TTK: variants seen among roughly 807,000 people sequenced by gnomAD.
The protein encoded by TTK is dual specificity protein kinase TTK.
In TTK, 59 loss-of-function variants were observed where a neutral mutation model predicts 117.3. That is an observed-to-expected ratio of 0.50 (90% CI 0.41 to 0.62). The LOEUF (loss-of-function observed/expected upper bound fraction) is 0.62, where lower values mean the gene tolerates loss of function less well. Among genes scored for constraint, TTK ranks in the 20% least tolerant of loss-of-function variants. The probability of loss-of-function intolerance (pLI) is 0.00; values close to 1 mark genes in which losing one functional copy is unlikely to be tolerated. For missense variants in TTK, 921 were observed against 989.4 expected (o/e 0.93, Z 0.93); for synonymous variants, 302 against 325.0 (o/e 0.93, Z 0.76).
chr6:80,035,844 G>T (rs1194216361), intron 16 of TTK, among the ~76,000 whole-genome samples: 1 of 152,068 alleles, frequency 6.6e-6, no homozygotes, highest in African/African-American at 2.4e-5. Flanking sequence ...CCTACCTTCT[G>T]GGTTGGTTTT....
In TTK at chr6:80,011,680, A is replaced by G. The variant is rs745931894; in HGVS notation, c.729-49A>G. 8.8e-6 allele frequency: 14 copies of G among 1,591,974 alleles called. No individual in the cohort carries two copies. In the Admixed American group the frequency reaches 1.2e-4, roughly 13 times the overall value. ...ATGTTTAGCAGTAGAGTAGAAATAC[A>G]TATTAATATTGTTCTTTGAAAAATT... is the stretch of plus-strand genomic sequence containing the variant. On this transcript the variant is annotated intron_variant, in intron 6 of 21. Transcript: ENST00000369798.
Position 80,026,565 on chromosome 6 carries a change from A to G in TTK, c.1394+51A>G, listed in dbSNP as rs1296915829. 3 of 1,605,958 alleles carry G rather than the reference A, an allele frequency of 1.9e-6. No homozygotes were observed. In the African/African-American group the frequency reaches 4.0e-5, roughly 22 times the overall value. Reference sequence around the variant, plus strand: ...TTGGCAGGGTGGTATGATAGAATTAACATGGGCTTCTGGGCCAAATAAATC... The same window carrying G: ...TTGGCAGGGTGGTATGATAGAATTAGCATGGGCTTCTGGGCCAAATAAATC... On this transcript the variant is annotated intron_variant, in intron 12 of 21. Coordinates refer to ENST00000369798, the MANE Select transcript of TTK (RefSeq NM_003318.5).
chr6:80,015,537 C>A (rs62405969), intron 10 of TTK, among the ~76,000 whole-genome samples: 85 of 152,184 alleles, frequency 5.6e-4, no homozygotes, highest in Admixed American at 3.2e-3. Context: ...TCCAATATCC[C>A]AAGAATGCCT....
At chr6:80,026,544 C>G in intron 12 of TTK, 30 bp downstream of exon 12, 1 of 1,611,474 alleles carries the variant, frequency 6.2e-7, no homozygotes, top group Non-Finnish European at 8.5e-7. Flanking sequence ...GCTTGATTGG[C>G]AGGGTGGTAT....
Position 80,013,301 on chromosome 6 carries a change from C to A in TTK, c.919C>A (p.Arg307=). ...MKRQTSRSEC[R]DLVVPGSKPS... Reference sequence around the variant, plus strand: ...AAGACAAACCTCTAGATCAGAATGCCGAGATTTGGTTGTGCCTGGATCTAA... The same window carrying A: ...AAGACAAACCTCTAGATCAGAATGCAGAGATTTGGTTGTGCCTGGATCTAA... The change falls in exon 9 of 22, where the codon CGA becomes AGA. Residue 307 remains arginine, a synonymous_variant. Transcript: ENST00000369798. The A allele has an allele frequency of 6.3e-7, 1 of 1,598,792 alleles. No individual in the cohort carries two copies. Among genetic ancestry groups the A allele is most frequent in the East Asian group, 2.3e-5 (1 of 44,278 alleles).
chr6:80,034,320 C>T (rs1767836438), intron 14 of TTK, among the ~76,000 whole-genome samples: 1 of 152,082 alleles, frequency 6.6e-6, no homozygotes, highest in Non-Finnish European at 1.5e-5. Flanking sequence ...GACACTATCT[C>T]TATGAAACTG....
chr6:80,038,670 T>C (rs1443916061), intron 18 of TTK, among the ~76,000 whole-genome samples: 1 of 152,180 alleles, frequency 6.6e-6, no homozygotes, highest in East Asian at 1.9e-4. Flanking sequence ...TACTAAATTT[T>C]ATTTTCCTCC....
intron 4 of TTK, among the ~76,000 whole-genome samples, chr6:80,009,018 C>CT (rs1029892324): frequency 6.7e-6 from 1 of 149,486 alleles, no homozygotes; most frequent in African/African-American, 2.5e-5. Context: ...GCTGTAGAAA[C>CT]TATTTCTTGC....
chr6:80,016,386 T>C (rs1267073694), intron 10 of TTK, among the ~76,000 whole-genome samples: 1 of 152,190 alleles, frequency 6.6e-6, no homozygotes, highest in East Asian at 1.9e-4. Context: ...CTTTTAATTT[T>C]AGGCATTCTG....
Position 80,022,419 on chromosome 6 carries a change from G to A in TTK, c.1204G>A (p.Ala402Thr). 1.2e-6 allele frequency: 2 copies of A among 1,613,966 alleles called. No homozygotes were observed. Among genetic ancestry groups the A allele is most frequent in the Non-Finnish European group, 1.7e-6 (2 of 1,179,934 alleles). The change falls in exon 11 of 22, where the codon GCA (alanine) becomes ACA (threonine). Residue 402 changes from alanine to threonine, a missense_variant. Ala to Thr is a moderately conservative substitution (Grantham distance 58). Transcript: ENST00000369798. ...KSECINQNPAASSNHWQIPEL... is the reference protein window; with the variant it reads ...KSECINQNPATSSNHWQIPEL... ...AGAGTGTATTAACCAGAATCCTGCT[G>A]CATCTTCAAATCACTGGCAGATTCC... is the stretch of plus-strand genomic sequence containing the variant.
chr6:80,015,295 G>GTTA (rs1443640241), intron 10 of TTK, among the ~76,000 whole-genome samples: 47 of 152,294 alleles, frequency 3.1e-4, no homozygotes, highest in Admixed American at 3.9e-4. Context: ...AACATGGGTA[G>GTTA]TGTGCAAATA....
At chr6:80,035,552 T>C (rs1767883846) in intron 16 of TTK, 135 bp downstream of exon 16, 1 of 974,118 alleles carries the variant, frequency 1.0e-6, no homozygotes, top group East Asian at 3.0e-5. Context: ...TAGAAGTTTA[T>C]TTAAAGATAA....
At chr6:80,024,360 C>G (rs1023137298) in intron 11 of TTK, among the ~76,000 whole-genome samples, 3 of 152,274 alleles carry the variant, frequency 2.0e-5, no homozygotes, top group African/African-American at 7.2e-5. Flanking sequence ...AACAAAATAT[C>G]CAACCGATGA....
Position 80,026,493 on chromosome 6 carries a change from C to A in TTK, c.1373C>A (p.Thr458Asn). ...ATTTGTAAGACACCAAGCAGCAATA[C>A]CTTGGATGATTACATGAGCTGGTAA... ...KSICKTPSSN[T>N]LDDYMSCFRT... The change falls in exon 12 of 22, where the codon ACC (threonine) becomes AAC (asparagine). Residue 458 changes from threonine to asparagine, a missense_variant. By Grantham distance (65) the Thr-to-Asn change is moderately conservative. Coordinates refer to ENST00000369798, the MANE Select transcript of TTK (RefSeq NM_003318.5). The A allele has an allele frequency of 6.2e-7, 1 of 1,613,740 alleles. No homozygotes were observed. The highest frequency in any genetic ancestry group is 8.5e-7 in the Non-Finnish European group (1 of 1,179,844).
chr6:80,024,358 A>AT (rs1158039575), intron 11 of TTK, among the ~76,000 whole-genome samples: 2 of 152,248 alleles, frequency 1.3e-5, no homozygotes, highest in Non-Finnish European at 2.9e-5. Flanking sequence ...ATAACAAAAT[A>AT]TCCAACCGAT....
intron 8 of TTK, among the ~76,000 whole-genome samples, chr6:80,013,003 T>A (rs1015243269): frequency 6.6e-6 from 1 of 152,112 alleles, no homozygotes; most frequent in African/African-American, 2.4e-5. Flanking sequence ...ATACTTTGCC[T>A]TTCCCACAGT....
intron 1 of TTK, among the ~76,000 whole-genome samples, chr6:80,005,509 T>C (rs528277940): frequency 1.3e-5 from 2 of 152,320 alleles, no homozygotes; most frequent in South Asian, 4.1e-4. Flanking sequence ...ATCCAAGCAA[T>C]CTTTATGTGT....
rs778628813 is a variant in TTK at position 80,031,509 on chromosome 6, GGAA to G, written c.1568_1570del (p.Arg523del). 4 of 1,523,730 alleles carry G rather than the reference GGAA, an allele frequency of 2.6e-6. No homozygotes were observed. The highest frequency in any genetic ancestry group is 2.6e-6 in the Non-Finnish European group (3 of 1,141,700). 94.4% of individuals were successfully genotyped at this position (1,523,730 alleles called of 1,614,324 possible). On this transcript the variant is annotated inframe_deletion, in exon 14 of 22. Transcript: ENST00000369798. Reference sequence around the variant, plus strand: ...AGCAAATGAATGCATTTCGGTTAAAGGAAGAATTTATTCCATATTAAAGCAGAT... The same window carrying G: ...AGCAAATGAATGCATTTCGGTTAAAGGAATTTATTCCATATTAAAGCAGAT...
intron 5 of TTK, 152 bp downstream of exon 5, chr6:80,011,109 C>A: frequency 9.8e-7 from 1 of 1,019,010 alleles, no homozygotes; most frequent in Non-Finnish European, 1.3e-6. Flanking sequence ...GTAAAAAAGT[C>A]TCTACAACCC....
Sources: allele counts gnomAD v4.1 joint callset (sites outside exome capture counted in the v4.1 genomes callset), GRCh38; gene constraint gnomAD v4.1.1; transcripts MANE v1.5; gene names NCBI Gene and HGNC (gene_info 2026-07-23, HGNC 2026-07-21).